CACNA1C: variants seen among roughly 807,000 people sequenced by gnomAD.
The protein encoded by CACNA1C is voltage-dependent L-type calcium channel subunit alpha-1C.
In CACNA1C, 30 loss-of-function variants were observed where a neutral mutation model predicts 229.0. The ratio of observed to expected loss-of-function variants is 0.13; its 90% CI spans 0.10 to 0.18. The LOEUF (loss-of-function observed/expected upper bound fraction) is 0.18, where lower values mean the gene tolerates loss of function less well. CACNA1C is among the 10% of genes least tolerant of loss of function. CACNA1C has a pLI of 1.00. For synonymous variants in CACNA1C, 1,114 were observed against 1,132.5 expected, an observed-to-expected ratio of 0.98 and a Z score of 0.33; for missense variants, 1,658 against 2,845.0, an observed-to-expected ratio of 0.58 and a Z score of 9.49.
intron 3 of CACNA1C, among the ~76,000 whole-genome samples, chr12:2,201,061 A>G (rs1008802243): frequency 1.3e-5 from 2 of 152,112 alleles, no homozygotes; most frequent in African/African-American, 2.4e-5. Flanking sequence ...ATTTTTCTAG[A>G]CTTCAGAGTT....
In CACNA1C at chr12:2,685,719, T is replaced by C. The variant is rs746220488; in HGVS notation, c.5574-17T>C. 1.5e-5 allele frequency: 24 copies of C among 1,600,076 alleles called. No individual in the cohort carries two copies. In the East Asian group the frequency reaches 4.0e-4, roughly 27 times the overall value. On this transcript the variant is annotated splice_polypyrimidine_tract_variant and intron_variant, in intron 43 of 46. Coordinates refer to ENST00000399655, the MANE Select transcript of CACNA1C (RefSeq NM_000719.7). ...TCTCAGCCTCCAGGAACAAGCCCCA[T>C]GAGCTCTCTGTTCCAGGCTCTCCTA...
intron 1 of CACNA1C, among the ~76,000 whole-genome samples, chr12:2,038,105 T>C (rs965572478): frequency 3.3e-5 from 5 of 152,198 alleles, no homozygotes; most frequent in African/African-American, 1.2e-4. Context: ...TGACGAAGAC[T>C]GTGCACTCAA....
At chr12:2,541,597 G>A (rs983752964) in intron 9 of CACNA1C, among the ~76,000 whole-genome samples, 5 of 152,138 alleles carry the variant, frequency 3.3e-5, no homozygotes, top group Non-Finnish European at 5.9e-5. Context: ...CCACTGCCTG[G>A]GATGTCTGGG....
At chr12:2,301,289 C>T (rs866422437) in intron 3 of CACNA1C, among the ~76,000 whole-genome samples, 3 of 152,102 alleles carry the variant, frequency 2.0e-5, no homozygotes, top group African/African-American at 7.2e-5. Flanking sequence ...AAGTCAGCTC[C>T]GTATCTGTGG....
chr12:2,084,049 G>C (rs754175084), intron 1 of CACNA1C, among the ~76,000 whole-genome samples: 23 of 152,170 alleles, frequency 1.5e-4, no homozygotes, highest in Non-Finnish European at 3.4e-4. Context: ...TAGTATATCT[G>C]TCCTCCTCTT....
At chr12:2,093,553 G>A (rs2072380126) in intron 1 of CACNA1C, among the ~76,000 whole-genome samples, 3 of 152,222 alleles carry the variant, frequency 2.0e-5, no homozygotes, top group Non-Finnish European at 4.4e-5. Flanking sequence ...CTGTACTCGT[G>A]TACCTGCGTG....
At chr12:2,135,550 G>A (rs1457803266) in intron 3 of CACNA1C, among the ~76,000 whole-genome samples, 6 of 131,166 alleles carry the variant, frequency 4.6e-5, no homozygotes, top group Non-Finnish European at 7.8e-5. Context: ...CTGCAGGTCT[G>A]TTGGAGTACC....
intron 3 of CACNA1C, among the ~76,000 whole-genome samples, chr12:2,122,282 G>T (rs767611494): frequency 1.3e-5 from 2 of 152,140 alleles, no homozygotes; most frequent in Non-Finnish European, 2.9e-5. Context: ...AAACATCATC[G>T]AATTGTGTAC....
At chr12:2,360,880 A>G (rs572707289) in intron 3 of CACNA1C, among the ~76,000 whole-genome samples, 1 of 151,940 alleles carries the variant, frequency 6.6e-6, no homozygotes, top group Non-Finnish European at 1.5e-5. Flanking sequence ...GTTGGGAAGG[A>G]TGAGGAAAAA....
rs149121493 is a variant in CACNA1C, at chr12:2,308,207, A to C, written c.478-140769A>C. On this transcript the variant is annotated intron_variant, in intron 3 of 46. Transcript: ENST00000399655. ...AAGAAGCAAGGCATCTTGATTTTTAATGTGGATAACATGTAGCACAATGAT... is the reference window on the plus strand; with the variant it reads ...AAGAAGCAAGGCATCTTGATTTTTACTGTGGATAACATGTAGCACAATGAT... 8.1e-4 allele frequency among the ~76,000 whole-genome samples: 123 copies of C among 152,370 alleles called. 1 individual carries two copies. In the East Asian group the frequency reaches 0.023, roughly 28 times the overall value.
intron 9 of CACNA1C, among the ~76,000 whole-genome samples, chr12:2,522,562 TC>T (rs2099811998): frequency 6.6e-6 from 1 of 151,992 alleles, no homozygotes; most frequent in African/African-American, 2.4e-5. Flanking sequence ...AATTATATAG[TC>T]CCAGGAGAAG....
At chr12:2,451,633 C>A (rs1252865780) in intron 4 of CACNA1C, among the ~76,000 whole-genome samples, 2 of 152,184 alleles carry the variant, frequency 1.3e-5, no homozygotes, top group Non-Finnish European at 2.9e-5. Flanking sequence ...AGTGGTGCAT[C>A]TCTGGCCCAC....
At chr12:2,420,102 G>GGTGTGCGTGTGTGTGTGTGT (rs2098960916) in intron 3 of CACNA1C, among the ~76,000 whole-genome samples, 8 of 125,494 alleles carry the variant, frequency 6.4e-5, no homozygotes, top group Non-Finnish European at 1.1e-4. Context: ...TAGGCAAAAT[G>GGTGTGCGTGTGTGTGTGTGT]GTGTGTGTGT....
At chr12:2,676,602 G>A (rs1352191364) in intron 39 of CACNA1C, 1 of 154,370 alleles carries the variant, frequency 6.5e-6, no homozygotes, top group Non-Finnish European at 1.4e-5. Flanking sequence ...AACTTCCATG[G>A]GAAGAAAGCC....
At chr12:2,191,585 C>T (rs941460741) in intron 3 of CACNA1C, among the ~76,000 whole-genome samples, 1 of 152,156 alleles carries the variant, frequency 6.6e-6, no homozygotes, top group Admixed American at 6.5e-5. Flanking sequence ...CTCAAGCATA[C>T]ACACATGCAC....
chr12:2,500,865 G>A (rs551933030), intron 7 of CACNA1C, among the ~76,000 whole-genome samples: 1 of 152,148 alleles, frequency 6.6e-6, no homozygotes, highest in Admixed American at 6.5e-5. Flanking sequence ...ACTGCTGGTG[G>A]GAGTCCATAG....
chr12:2,568,578 T>C (rs562264912), intron 13 of CACNA1C, among the ~76,000 whole-genome samples: 14 of 152,318 alleles, frequency 9.2e-5, no homozygotes, highest in South Asian at 4.1e-4. Context: ...TTCAATATTA[T>C]TCAGTCTTAA....
intron 1 of CACNA1C, among the ~76,000 whole-genome samples, chr12:2,056,196 AGTGT>A (rs138718348): frequency 0.14 from 19,972 of 145,780 alleles, 1,439 homozygotes; most frequent in Non-Finnish European, 0.15. Flanking sequence ...AGTGTGTGTG[AGTGT>A]GTGTGTGTGT....
At chr12:2,041,567 C>T (rs1203763241) in intron 1 of CACNA1C, among the ~76,000 whole-genome samples, 6 of 152,088 alleles carry the variant, frequency 3.9e-5, no homozygotes, top group East Asian at 1.9e-4. Context: ...TGAGCCACTG[C>T]GCCCGGCCCG....
Sources: allele counts gnomAD v4.1 joint callset (sites outside exome capture counted in the v4.1 genomes callset), GRCh38; gene constraint gnomAD v4.1.1; transcripts MANE v1.5; gene names NCBI Gene and HGNC (gene_info 2026-07-23, HGNC 2026-07-21).